The following GALNTL6 variants were observed in gnomAD, a reference collection of about 807,000 sequenced individuals.
GALNTL6 encodes polypeptide N-acetylgalactosaminyltransferase-like 6.
A neutral mutation model predicts 73.7 loss-of-function variants in GALNTL6; 46 were observed. The ratio of observed to expected loss-of-function variants is 0.62; its 90% CI spans 0.49 to 0.80. GALNTL6 has a LOEUF of 0.80. GALNTL6 is among the 30% of genes least tolerant of loss of function. The probability of loss-of-function intolerance (pLI) is 0.00; values close to 1 mark genes in which losing one functional copy is unlikely to be tolerated. For missense variants in GALNTL6, 604 were observed against 755.0 expected, an observed-to-expected ratio of 0.80 and a Z score of 2.34; for synonymous variants, 259 against 263.7, an observed-to-expected ratio of 0.98 and a Z score of 0.17.
intron 2 of GALNTL6, among the ~76,000 whole-genome samples, chr4:171,903,475 C>G (rs1361952311): frequency 6.6e-6 from 1 of 152,124 alleles, no homozygotes; most frequent in Admixed American, 6.5e-5. Flanking sequence ...AAATCCCTCA[C>G]GTGGCTCGGA....
intron 5 of GALNTL6, among the ~76,000 whole-genome samples, chr4:172,520,398 C>T (rs1279253418): frequency 6.6e-6 from 1 of 151,956 alleles, no homozygotes; most frequent in Non-Finnish European, 1.5e-5. Flanking sequence ...AATTATTCCA[C>T]ATACCAATAA....
intron 7 of GALNTL6, among the ~76,000 whole-genome samples, chr4:172,856,293 G>T (rs1029738657): frequency 6.6e-6 from 1 of 152,112 alleles, no homozygotes; most frequent in Non-Finnish European, 1.5e-5. Flanking sequence ...AGTCAAATCA[G>T]AATTTGATAA....
chr4:171,935,052 G>A (rs948764395), intron 2 of GALNTL6, among the ~76,000 whole-genome samples: 1 of 152,096 alleles, frequency 6.6e-6, no homozygotes, highest in Non-Finnish European at 1.5e-5. Context: ...TTCATGCATG[G>A]GAGAGAAACT....
intron 2 of GALNTL6, among the ~76,000 whole-genome samples, chr4:172,019,576 T>C (rs7685322): frequency 6.6e-6 from 1 of 151,914 alleles, no homozygotes; most frequent in Non-Finnish European, 1.5e-5. Flanking sequence ...GACAAAGAAG[T>C]GCATTATATA....
chr4:171,958,891 A>G lies in GALNTL6; in HGVS notation c.138+144173A>G, dbSNP rs111449050. 2.7e-3 allele frequency among the ~76,000 whole-genome samples: 416 copies of G among 152,272 alleles called. 2 individuals carry two copies. Among genetic ancestry groups the G allele is most frequent in the Admixed American group, 0.012 (191 of 15,290 alleles). ...ATCTTTAACATTTTAATAAATGTACACCATGCTTGTTAAATGAAATGTCAA... is the reference window on the plus strand; with the variant it reads ...ATCTTTAACATTTTAATAAATGTACGCCATGCTTGTTAAATGAAATGTCAA... On this transcript the variant is annotated intron_variant, in intron 2 of 12. Coordinates refer to ENST00000506823, the MANE Select transcript of GALNTL6 (RefSeq NM_001034845.3).
At chr4:172,614,517 A>C (rs1045699505) in intron 5 of GALNTL6, among the ~76,000 whole-genome samples, 4 of 152,166 alleles carry the variant, frequency 2.6e-5, no homozygotes, top group Non-Finnish European at 5.9e-5. Flanking sequence ...GCAGAAGAAA[A>C]GTGTTTTTCA....
chr4:171,816,878 A>AT (rs1419789923), intron 2 of GALNTL6, among the ~76,000 whole-genome samples: 1 of 151,988 alleles, frequency 6.6e-6, no homozygotes, highest in Non-Finnish European at 1.5e-5. Flanking sequence ...TAATATTGAT[A>AT]TTGGAACAAA....
chr4:171,993,650 G>A (rs1253792504), intron 2 of GALNTL6, among the ~76,000 whole-genome samples: 3 of 152,046 alleles, frequency 2.0e-5, no homozygotes, highest in Non-Finnish European at 4.4e-5. Context: ...TAAGGCAGAT[G>A]ATTTGGAAGA....
chr4:172,586,360 T>C (rs147521819), intron 5 of GALNTL6, among the ~76,000 whole-genome samples: 42 of 152,290 alleles, frequency 2.8e-4, no homozygotes, highest in Non-Finnish European at 2.6e-4. Flanking sequence ...GGGATGATTG[T>C]TGCTATTAAT....
At chr4:172,720,352 C>T (rs1337294644) in intron 5 of GALNTL6, among the ~76,000 whole-genome samples, 2 of 152,136 alleles carry the variant, frequency 1.3e-5, no homozygotes, top group African/African-American at 2.4e-5. Flanking sequence ...GAGTGCTTCC[C>T]GCCCGCCATT....
At chr4:172,475,000 G>C (rs1191803574) in intron 5 of GALNTL6, among the ~76,000 whole-genome samples, 2 of 152,308 alleles carry the variant, frequency 1.3e-5, no homozygotes, top group South Asian at 2.1e-4. Context: ...TTGGATAGCT[G>C]TGCCCTCAGC....
At chr4:171,869,899 C>A (rs1736088039) in intron 2 of GALNTL6, among the ~76,000 whole-genome samples, 1 of 152,146 alleles carries the variant, frequency 6.6e-6, no homozygotes, top group Non-Finnish European at 1.5e-5. Flanking sequence ...CCACATGGAA[C>A]TACGAGTCCA....
chr4:172,947,928 G>C (rs1749253051), intron 9 of GALNTL6, among the ~76,000 whole-genome samples: 1 of 151,950 alleles, frequency 6.6e-6, no homozygotes, highest in Non-Finnish European at 1.5e-5. Flanking sequence ...CTCTCTTTTT[G>C]CAACTGTTTG....
intron 5 of GALNTL6, among the ~76,000 whole-genome samples, chr4:172,592,654 A>ATG (rs1690663739): frequency 7.3e-6 from 1 of 136,848 alleles, no homozygotes; most frequent in Non-Finnish European, 1.6e-5. Flanking sequence ...TCAAATCTAT[A>ATG]TCTGTCTGTC....
chr4:172,707,543 A>G (rs1226085166), intron 5 of GALNTL6, among the ~76,000 whole-genome samples: 3 of 152,216 alleles, frequency 2.0e-5, no homozygotes, highest in African/African-American at 7.2e-5. Flanking sequence ...TTCATTTTCA[A>G]TCAACTCATC....
At chr4:172,264,031 C>T (rs1340969987) in intron 3 of GALNTL6, among the ~76,000 whole-genome samples, 21 of 151,142 alleles carry the variant, frequency 1.4e-4, no homozygotes, top group Admixed American at 1.3e-3. Flanking sequence ...AATATCACTA[C>T]ATTTTTTATG....
At chr4:172,683,217 A>G (rs1437841) in intron 5 of GALNTL6, among the ~76,000 whole-genome samples, 149,822 of 152,264 alleles carry the variant, frequency 0.98, 73,758 homozygotes, top group East Asian at 1. Context: ...GGTATCTGTC[A>G]TGTCATCTAA....
intron 3 of GALNTL6, among the ~76,000 whole-genome samples, chr4:172,295,531 GTTTTTTT>G (rs58721038): frequency 2.7e-5 from 2 of 73,164 alleles, no homozygotes; most frequent in African/African-American, 1.2e-4. Context: ...CTTTTTTTAG[GTTTTTTT>G]TTTTTTTTTT....
chr4:172,932,784 C>T (rs1210099890), intron 9 of GALNTL6, among the ~76,000 whole-genome samples: 2 of 152,108 alleles, frequency 1.3e-5, no homozygotes, highest in African/African-American at 2.4e-5. Context: ...ACCAAATTTG[C>T]GTTAGTACTT....
Sources: gnomAD v4.1 joint callset for allele counts (sites outside exome capture counted in the v4.1 genomes callset) on GRCh38, gnomAD v4.1.1 for gene constraint, MANE v1.5 for transcripts, NCBI Gene and HGNC (gene_info 2026-07-23, HGNC 2026-07-21) for gene names.